Variants in RAD52 observed in about 807,000 individuals in gnomAD.
The protein encoded by RAD52 is DNA repair protein RAD52 homolog.
Under a neutral mutation model 55.5 loss-of-function variants are expected in RAD52, and 47 were observed. The ratio of observed to expected loss-of-function variants is 0.85; its 90% CI spans 0.67 to 1.08. The LOEUF (loss-of-function observed/expected upper bound fraction) is 1.08, where lower values mean the gene tolerates loss of function less well. Ranked by LOEUF, RAD52 falls within the 50% of genes least tolerant of loss-of-function variation. The pLI, the probability that RAD52 is intolerant of heterozygous loss-of-function variation, is 0.00. For missense variants in RAD52, 468 were observed against 522.8 expected, an observed-to-expected ratio of 0.90 and a Z score of 1.02; for synonymous variants, 184 against 198.9, an observed-to-expected ratio of 0.92 and a Z score of 0.63.
Position 941,664 on chromosome 12 carries a change from C to T in RAD52, c.-19+7938G>A, listed in dbSNP as rs972591607. ...TATTATTTTTTGAGACAGAGTTTTG[C>T]TCTTGTTGCCCAGGCTGGAGTGCAA... On this transcript the variant is annotated intron_variant, in intron 1 of 11. Transcript: ENST00000358495. Among the ~76,000 whole-genome samples the T allele has an allele frequency of 2.0e-5, 3 of 151,476 alleles. No individual in the cohort carries two copies. In the Admixed American group the frequency reaches 2.0e-4, roughly 10 times the overall value.
upstream of RAD52, among the ~76,000 whole-genome samples, chr12:954,558 C>G (rs965557391): frequency 1.3e-5 from 2 of 152,132 alleles, no homozygotes; most frequent in African/African-American, 4.8e-5. Context: ...TGCTTGAACC[C>G]GGGTGGTGGA....
intron 1 of RAD52, among the ~76,000 whole-genome samples, chr12:961,757 G>A (rs539606780): frequency 5.2e-4 from 79 of 152,208 alleles, no homozygotes; most frequent in African/African-American, 1.9e-3. Context: ...CAGCTACTCG[G>A]GAGGTTGGAG....
intron 7 of RAD52, among the ~76,000 whole-genome samples, chr12:921,697 G>GA (rs1005963323): frequency 1.3e-5 from 2 of 151,542 alleles, no homozygotes; most frequent in African/African-American, 4.9e-5. Context: ...CATGAGATGA[G>GA]ATGAGATGAG....
chr12:964,971 C>CTTCT (rs1328877874), intron 1 of RAD52, among the ~76,000 whole-genome samples: 2 of 150,476 alleles, frequency 1.3e-5, no homozygotes, highest in African/African-American at 4.9e-5. Context: ...GCCTGCCTTC[C>CTTCT]TTCCTTCCTT....
intron 1 of RAD52, among the ~76,000 whole-genome samples, chr12:934,487 T>C (rs1243891472): frequency 2.0e-5 from 3 of 150,406 alleles, no homozygotes; most frequent in East Asian, 3.9e-4. Context: ...AAAAATCATC[T>C]TTAGGCTCTG....
At chr12:970,317 T>TC (rs1958827128) in intron 1 of RAD52, among the ~76,000 whole-genome samples, 1 of 7,638 alleles carries the variant, frequency 1.3e-4, no homozygotes, top group Non-Finnish European at 4.0e-4. Context: ...AGACATCATC[T>TC]CAAAAAAAAA....
At chr12:968,965 C>T (rs1023500253) in intron 1 of RAD52, among the ~76,000 whole-genome samples, 2 of 152,068 alleles carry the variant, frequency 1.3e-5, no homozygotes, top group Non-Finnish European at 2.9e-5. Flanking sequence ...TCAATGGATT[C>T]AACCAACTGG....
upstream of RAD52, among the ~76,000 whole-genome samples, chr12:954,229 A>G (rs1001256411): frequency 6.6e-6 from 1 of 152,088 alleles, no homozygotes; most frequent in African/African-American, 2.4e-5. Flanking sequence ...GAAATTCTAG[A>G]TATTAATCTC....
intron 1 of RAD52, among the ~76,000 whole-genome samples, chr12:939,697 A>G (rs1269222181): frequency 6.6e-6 from 1 of 152,238 alleles, no homozygotes; most frequent in East Asian, 1.9e-4. Context: ...AATTTCTTGT[A>G]GAGATGTTTC....
At chr12:933,161 T>TA in intron 1 of RAD52, 85 bp from the exon 2 acceptor site, 2 of 980,214 alleles carry the variant, frequency 2.0e-6, no homozygotes, top group East Asian at 4.8e-5. Context: ...AAAAATCACA[T>TA]AAAGAATCCT....
chr12:985,258 A>G (rs758050183), intron 1 of RAD52, among the ~76,000 whole-genome samples: 29 of 152,172 alleles, frequency 1.9e-4, no homozygotes, highest in Non-Finnish European at 3.8e-4. Context: ...CTTCTGTCTC[A>G]GCCTCACAAG....
chr12:989,318 T>G (rs1959137264), intron 1 of RAD52, among the ~76,000 whole-genome samples: 1 of 152,210 alleles, frequency 6.6e-6, no homozygotes, highest in African/African-American at 2.4e-5. Context: ...TTCTCCATTT[T>G]ATTTTGTCAG....
Position 939,087 on chromosome 12 carries a change from G to GTGTGTGT in RAD52, c.-18-6012_-18-6011insACACACA, listed in dbSNP as rs751632769. ...GTGTGTGTGTGTGTGTGTGTGTGTAGAGAGAGAGAAAAAGGCAAGTAGATA... is the reference window on the plus strand; with the variant it reads ...GTGTGTGTGTGTGTGTGTGTGTGTAGTGTGTGTAGAGAGAGAAAAAGGCAAGTAGATA... On this transcript the variant is annotated intron_variant, in intron 1 of 11. Coordinates refer to ENST00000358495, the MANE Select transcript of RAD52 (RefSeq NM_134424.4). 7.6e-3 allele frequency among the ~76,000 whole-genome samples: 472 copies of GTGTGTGT among 61,834 alleles called. 2 individuals carry two copies. Among genetic ancestry groups the GTGTGTGT allele is most frequent in the Middle Eastern group, 0.036 (3 of 84 alleles). The allele number at this position is 61,834 out of a possible 152,430, so 40.6% of individuals were successfully genotyped here.
chr12:927,619 C>A (rs956891677), intron 5 of RAD52, among the ~76,000 whole-genome samples: 1 of 152,034 alleles, frequency 6.6e-6, no homozygotes, highest in Non-Finnish European at 1.5e-5. Context: ...TAATCCCAGC[C>A]CTTTGGGAGG....
At chr12:959,822 G>C (rs1210313651) in intron 1 of RAD52, among the ~76,000 whole-genome samples, 1 of 152,180 alleles carries the variant, frequency 6.6e-6, no homozygotes, top group Non-Finnish European at 1.5e-5. Context: ...TTGGTTGCTG[G>C]CTTCTGGGTG....
At chr12:943,422 A>C (rs1358337648) in intron 1 of RAD52, among the ~76,000 whole-genome samples, 3 of 152,180 alleles carry the variant, frequency 2.0e-5, no homozygotes, top group Non-Finnish European at 4.4e-5. Context: ...GGCTCACTGC[A>C]ACCTCCATCT....
At chr12:982,311 ATC>A (rs1376328159) in intron 1 of RAD52, among the ~76,000 whole-genome samples, 4 of 152,092 alleles carry the variant, frequency 2.6e-5, no homozygotes, top group African/African-American at 9.7e-5. Flanking sequence ...TGCACCTATA[ATC>A]TCTATGAAAT....
At position 931,094 on chromosome 12, in the gene RAD52, C is replaced by T. The variant is rs191055143; in HGVS notation, c.186+126G>A. 9.5e-4 allele frequency: 655 copies of T among 692,140 alleles called. 1 individual carries two copies. Among genetic ancestry groups the T allele is most frequent in the Non-Finnish European group, 1.0e-3 (437 of 421,546 alleles). The allele number at this position is 692,140 out of a possible 1,614,324, so 42.9% of individuals were successfully genotyped here. The stretch of plus-strand genomic sequence containing the variant: ...TGGAACCCATCCCCTCCCAGGGGCA[C>T]TGGGAGACCTCCAGGAACAGTTAAC... On this transcript the variant is annotated intron_variant, in intron 3 of 11. Transcript: ENST00000358495.
chr12:984,958 C>T (rs1959067514), intron 1 of RAD52, among the ~76,000 whole-genome samples: 1 of 152,184 alleles, frequency 6.6e-6, no homozygotes, highest in African/African-American at 2.4e-5. Context: ...AGCCACCGCG[C>T]CTGTCCACAC....
Sources: gnomAD v4.1 joint callset for allele counts (sites outside exome capture counted in the v4.1 genomes callset) on GRCh38, gnomAD v4.1.1 for gene constraint, MANE v1.5 for transcripts, NCBI Gene and HGNC (gene_info 2026-07-23, HGNC 2026-07-21) for gene names.